Variants in FRMD4B observed in about 807,000 individuals in gnomAD.
The protein encoded by FRMD4B is FERM domain containing 4B, also known as FERM domain-containing protein 4B.
A neutral mutation model predicts 141.5 loss-of-function variants in FRMD4B; 74 were observed. The observed-to-expected ratio is 0.52, with a 90% confidence interval of 0.43 to 0.63. The LOEUF (loss-of-function observed/expected upper bound fraction) is 0.63, where lower values mean the gene tolerates loss of function less well. FRMD4B is among the 30% of genes least tolerant of loss of function. FRMD4B has a pLI of 0.00. For missense variants in FRMD4B, 1,366 were observed against 1,253.4 expected (o/e 1.09, Z -1.36); for synonymous variants, 506 against 467.9 (o/e 1.08, Z -1.05).
At chr3:69,281,834 A>AT (rs66485150) in intron 5 of FRMD4B, among the ~76,000 whole-genome samples, 18,613 of 71,096 alleles carry the variant, frequency 0.26, 1,419 homozygotes, top group East Asian at 0.53. Flanking sequence ...AAAAAAAAAA[A>AT]AAAAATATAT....
chr3:69,533,633 T>G (rs1422075274), intron 1 of FRMD4B, among the ~76,000 whole-genome samples: 2 of 152,216 alleles, frequency 1.3e-5, no homozygotes, highest in East Asian at 3.8e-4. Context: ...TTAATCAGAT[T>G]GTTGCTGAAA....
chr3:69,330,340 C>CTCTTT (rs1225031283), intron 1 of FRMD4B, among the ~76,000 whole-genome samples: 19 of 42,930 alleles, frequency 4.4e-4, no homozygotes, highest in African/African-American at 2.2e-3. Flanking sequence ...ATTCTTTTGC[C>CTCTTT]TTTTTTTTTT....
intron 17 of FRMD4B, among the ~76,000 whole-genome samples, chr3:69,191,303 C>G (rs2092833827): frequency 6.6e-6 from 1 of 152,032 alleles, no homozygotes; most frequent in Non-Finnish European, 1.5e-5. Flanking sequence ...GCCTGTAATC[C>G]CAGCTATTTG....
rs1202156398 is a variant in FRMD4B at position 69,187,568 on chromosome 3, C to CAT, written c.1919+200_1919+201dup. 7.7e-3 allele frequency among the ~76,000 whole-genome samples: 1,106 copies of CAT among 143,716 alleles called. 7 individuals carry two copies. The highest frequency in any genetic ancestry group is 0.018 in the African/African-American group (715 of 39,406). 94.3% of individuals were successfully genotyped at this position (143,716 alleles called of 152,430 possible). A position where few individuals can be genotyped will look rare whatever the true frequency, so the allele number is the denominator to read the frequency against. ...AAAAAAAAAAATATATATATATATA[C>CAT]ATATATATATATGTATATATATGTA... On this transcript the variant is annotated intron_variant, in intron 19 of 22. Transcript: ENST00000398540.
chr3:69,481,372 T>G lies in FRMD4B; in HGVS notation c.-128-48611A>C, dbSNP rs187773636. 3.1e-3 allele frequency among the ~76,000 whole-genome samples: 466 copies of G among 152,284 alleles called. 1 individual carries two copies. Among genetic ancestry groups the G allele is most frequent in the Non-Finnish European group, 5.0e-3 (337 of 68,014 alleles). Reference sequence around the variant, plus strand: ...ATCTTGGCACACTCCTCTTATATTTTTTCTTTGCTCATGATAGTGTTGGTT... The same window carrying G: ...ATCTTGGCACACTCCTCTTATATTTGTTCTTTGCTCATGATAGTGTTGGTT... On this transcript the variant is annotated intron_variant, in intron 1 of 5. Transcript: ENST00000459638.
At chr3:69,232,208 C>A (rs866669393) in intron 7 of FRMD4B, among the ~76,000 whole-genome samples, 4 of 152,188 alleles carry the variant, frequency 2.6e-5, no homozygotes, top group South Asian at 2.1e-4. Context: ...TTTAAAGATG[C>A]ACTTGACCAG....
intron 1 of FRMD4B, among the ~76,000 whole-genome samples, chr3:69,323,608 G>GTATATATATATATA (rs55847019): frequency 2.4e-4 from 24 of 101,696 alleles, no homozygotes; most frequent in Admixed American, 6.1e-4. Flanking sequence ...CTCTCTCTGT[G>GTATATATATATATA]TATATATATA....
chr3:69,251,395 T>G (rs1343791305), intron 5 of FRMD4B, among the ~76,000 whole-genome samples: 1 of 152,188 alleles, frequency 6.6e-6, no homozygotes, highest in Admixed American at 6.5e-5. Flanking sequence ...TCAGTGAGGA[T>G]TTCTGAAAGG....
At chr3:69,541,125 T>C (rs919892286) in intron 1 of FRMD4B, 4 of 96,406 alleles carry the variant, frequency 4.1e-5, no homozygotes, top group African/African-American at 2.3e-4. Flanking sequence ...ATCTTTCGAG[T>C]TGGCTAGTAA....
intron 1 of FRMD4B, among the ~76,000 whole-genome samples, chr3:69,525,950 T>C (rs562635465): frequency 2.0e-5 from 3 of 152,214 alleles, no homozygotes; most frequent in African/African-American, 4.8e-5. Context: ...TGAGCCACCA[T>C]GCTCGGCCTG....
chr3:69,485,820 A>T (rs548913089), intron 1 of FRMD4B, among the ~76,000 whole-genome samples: 1 of 152,348 alleles, frequency 6.6e-6, no homozygotes, highest in Non-Finnish European at 1.5e-5. Context: ...CCCCCAAGGC[A>T]GTGGGCTGCA....
intron 1 of FRMD4B, among the ~76,000 whole-genome samples, chr3:69,442,728 C>T (rs977521040): frequency 6.6e-5 from 10 of 152,282 alleles, no homozygotes; most frequent in East Asian, 5.8e-4. Flanking sequence ...GAGGGCATTG[C>T]GGATCCATGT....
At chr3:69,442,183 G>A (rs1448304666) in intron 1 of FRMD4B, among the ~76,000 whole-genome samples, 3 of 151,386 alleles carry the variant, frequency 2.0e-5, no homozygotes, top group Admixed American at 2.0e-4. Context: ...CTGTACTCAA[G>A]CAGTCCTCCT....
At chr3:69,332,330 T>C (rs1472030174) in intron 1 of FRMD4B, among the ~76,000 whole-genome samples, 13 of 152,154 alleles carry the variant, frequency 8.5e-5, no homozygotes, top group Admixed American at 6.5e-4. Flanking sequence ...CTCTATTTCC[T>C]CTTTTGAACT....
rs551933674 is a variant in FRMD4B at position 69,312,139 on chromosome 3, T to A, written c.229-782A>T. ...TAATCTATAAGCTTTTGGGAAGCTCTGGATCTGCTGAGAAGAAGCATGGGC... is the reference window on the plus strand; with the variant it reads ...TAATCTATAAGCTTTTGGGAAGCTCAGGATCTGCTGAGAAGAAGCATGGGC... On this transcript the variant is annotated intron_variant, in intron 2 of 22. Transcript: ENST00000398540. 2.6e-5 allele frequency among the ~76,000 whole-genome samples: 4 copies of A among 152,300 alleles called. 1 individual carries two copies. The highest frequency in any genetic ancestry group is 9.6e-5 in the African/African-American group (4 of 41,572).
At chr3:69,334,314 GT>G (rs1322033508) in intron 1 of FRMD4B, 3 of 151,892 alleles carry the variant, frequency 2.0e-5, no homozygotes, top group Non-Finnish European at 4.4e-5. Context: ...CTTATTCCTG[GT>G]TGTGATAGCC....
chr3:69,424,174 T>C (rs1705033912), intron 2 of FRMD4B, among the ~76,000 whole-genome samples: 1 of 152,218 alleles, frequency 6.6e-6, no homozygotes, highest in Admixed American at 6.5e-5. Flanking sequence ...GATGAGAATG[T>C]TGTGACGAGG....
At chr3:69,455,877 A>G (rs185399539) in intron 1 of FRMD4B, among the ~76,000 whole-genome samples, 1 of 152,038 alleles carries the variant, frequency 6.6e-6, no homozygotes, top group Non-Finnish European at 1.5e-5. Flanking sequence ...TGAGACTTCT[A>G]CTCTAGGTTC....
At chr3:69,392,991 G>C (rs1298977542) in intron 2 of FRMD4B, among the ~76,000 whole-genome samples, 1 of 152,104 alleles carries the variant, frequency 6.6e-6, no homozygotes, top group Non-Finnish European at 1.5e-5. Context: ...CATAGAGGTG[G>C]TGGAAGCATG....
Sources: gnomAD v4.1 joint callset for allele counts (sites outside exome capture counted in the v4.1 genomes callset) on GRCh38, gnomAD v4.1.1 for gene constraint, MANE v1.5 for transcripts, NCBI Gene and HGNC (gene_info 2026-07-23, HGNC 2026-07-21) for gene names.